Variants in CPNE4 observed in about 807,000 individuals in gnomAD.
CPNE4 encodes copine 4, also known as copine-4.
CPNE4 carries 25 observed loss-of-function variants against 67.9 expected under a neutral mutation model. The observed-to-expected ratio is 0.37, with a 90% CI of 0.27 to 0.51. The LOEUF (loss-of-function observed/expected upper bound fraction) is 0.51, where lower values mean the gene tolerates loss of function less well. Among genes scored for constraint, CPNE4 ranks in the 20% least tolerant of loss-of-function variants. The pLI is 0.93. For missense variants in CPNE4, 464 were observed against 690.8 expected (o/e 0.67, Z 3.68); for synonymous variants, 242 against 244.9 (o/e 0.99, Z 0.11).
At chr3:131,558,273 T>G (rs1278362280) in intron 11 of CPNE4, among the ~76,000 whole-genome samples, 3 of 152,058 alleles carry the variant, frequency 2.0e-5, no homozygotes, top group Non-Finnish European at 4.4e-5. Flanking sequence ...ACATCCATTA[T>G]TTCTGTTTTA....
At chr3:131,874,593 T>C (rs887622559) in intron 2 of CPNE4, among the ~76,000 whole-genome samples, 1 of 152,230 alleles carries the variant, frequency 6.6e-6, no homozygotes, top group Non-Finnish European at 1.5e-5. Flanking sequence ...TTCACAACTT[T>C]GCTGTAGAGA....
At chr3:131,630,081 G>T (rs2079181345) in intron 7 of CPNE4, among the ~76,000 whole-genome samples, 1 of 152,164 alleles carries the variant, frequency 6.6e-6, no homozygotes. Flanking sequence ...AAAAATGCCA[G>T]AAAAAAGCAG....
At position 131,874,360 on chromosome 3, in the gene CPNE4, T is replaced by G. The variant is rs555811127; in HGVS notation, c.180+30904A>C. Among the ~76,000 whole-genome samples the G allele has an allele frequency of 2.4e-4, 36 of 152,308 alleles. No homozygotes were observed. In the South Asian group the frequency reaches 6.0e-3, roughly 25 times the overall value. ...GCCTCGGCCTCCCAAAGTGCTGGGATTACAGGCGTGAGCCACCGCGCCTGG... is the reference window on the plus strand; with the variant it reads ...GCCTCGGCCTCCCAAAGTGCTGGGAGTACAGGCGTGAGCCACCGCGCCTGG... On this transcript the variant is annotated intron_variant, in intron 2 of 15. Transcript: ENST00000429747.
intron 2 of CPNE4, among the ~76,000 whole-genome samples, chr3:131,853,516 T>C (rs930816317): frequency 4.6e-5 from 7 of 151,810 alleles, no homozygotes; most frequent in African/African-American, 1.7e-4. Flanking sequence ...AAGACAATTA[T>C]TTCTTGGGTA....
intron 1 of CPNE4, among the ~76,000 whole-genome samples, chr3:131,939,772 T>C (rs4854632): frequency 0.18 from 26,652 of 152,064 alleles, 2,656 homozygotes; most frequent in East Asian, 0.31. Flanking sequence ...CCTCTGACCA[T>C]TGCTGCTATA....
intron 2 of CPNE4, among the ~76,000 whole-genome samples, chr3:131,733,979 T>G (rs1365630188): frequency 6.6e-6 from 1 of 152,190 alleles, no homozygotes; most frequent in Non-Finnish European, 1.5e-5. Flanking sequence ...TCAACCCTCC[T>G]CACGATAGGT....
intron 2 of CPNE4, among the ~76,000 whole-genome samples, chr3:131,761,069 G>T (rs2082875198): frequency 1.3e-5 from 2 of 152,088 alleles, no homozygotes; most frequent in South Asian, 4.1e-4. Flanking sequence ...AATGAGGATA[G>T]AATTGTTTAG....
chr3:131,954,638 C>T (rs530604835), intron 1 of CPNE4, among the ~76,000 whole-genome samples: 2 of 152,068 alleles, frequency 1.3e-5, no homozygotes, highest in Admixed American at 6.5e-5. Flanking sequence ...TAATGCTATC[C>T]CTCCCACCTT....
chr3:131,799,549 T>G (rs1007733445), intron 2 of CPNE4, among the ~76,000 whole-genome samples: 45 of 152,334 alleles, frequency 3.0e-4, no homozygotes, highest in Non-Finnish European at 3.8e-4. Flanking sequence ...ACCCCCAGTC[T>G]CTGAATTTAA....
chr3:131,700,256 G>A (rs1259362056), intron 3 of CPNE4, among the ~76,000 whole-genome samples: 1 of 149,028 alleles, frequency 6.7e-6, no homozygotes, highest in Non-Finnish European at 1.5e-5. Context: ...GTTGATGAAG[G>A]ATGTATATTA....
intron 8 of CPNE4, among the ~76,000 whole-genome samples, chr3:131,586,016 T>C (rs1001201961): frequency 6.6e-6 from 1 of 152,158 alleles, no homozygotes; most frequent in African/African-American, 2.4e-5. Context: ...AATGGTATCA[T>C]TCAGATTAAG....
At chr3:131,781,195 T>C (rs954711561) in intron 2 of CPNE4, among the ~76,000 whole-genome samples, 1 of 152,106 alleles carries the variant, frequency 6.6e-6, no homozygotes, top group African/African-American at 2.4e-5. Flanking sequence ...TACCAAGAAC[T>C]CAAACAAAGT....
intron 7 of CPNE4, among the ~76,000 whole-genome samples, chr3:131,621,366 T>A (rs1216869960): frequency 6.6e-6 from 1 of 152,090 alleles, no homozygotes; most frequent in African/African-American, 2.4e-5. Context: ...TGCCTCAGCC[T>A]CTGGAGTAGC....
chr3:131,855,051 G>C (rs2086384257), intron 2 of CPNE4, among the ~76,000 whole-genome samples: 1 of 151,976 alleles, frequency 6.6e-6, no homozygotes, highest in African/African-American at 2.4e-5. Flanking sequence ...CCAGTGAAAA[G>C]CCAGATTCAA....
intron 2 of CPNE4, among the ~76,000 whole-genome samples, chr3:131,750,788 T>C: frequency 6.6e-6 from 1 of 152,156 alleles, no homozygotes. Context: ...TATCATTTCC[T>C]TTCTATTTAA....
At chr3:131,544,500 A>T (rs571228141) in intron 14 of CPNE4, among the ~76,000 whole-genome samples, 50 of 152,288 alleles carry the variant, frequency 3.3e-4, no homozygotes, top group African/African-American at 1.2e-3. Context: ...ACTCACCCCT[A>T]GTCCTAGCTG....
intron 1 of CPNE4, among the ~76,000 whole-genome samples, chr3:131,998,228 G>A (rs1364865278): frequency 6.6e-6 from 1 of 152,112 alleles, no homozygotes; most frequent in South Asian, 2.1e-4. Flanking sequence ...TGATGCAGCT[G>A]CAGGCATCCT....
chr3:131,734,474 G>T (rs2082193107), intron 2 of CPNE4, among the ~76,000 whole-genome samples: 1 of 152,150 alleles, frequency 6.6e-6, no homozygotes, highest in Non-Finnish European at 1.5e-5. Flanking sequence ...ACTTAGCAAT[G>T]CCCGCCTTGA....
intron 2 of CPNE4, among the ~76,000 whole-genome samples, chr3:131,836,451 C>T (rs1261932138): frequency 2.0e-5 from 3 of 152,126 alleles, no homozygotes; most frequent in African/African-American, 7.2e-5. Flanking sequence ...CAGAAGGGAA[C>T]TTCCTCAGCA....
Sources: gnomAD v4.1 joint callset for allele counts (sites outside exome capture counted in the v4.1 genomes callset) on GRCh38, gnomAD v4.1.1 for gene constraint, MANE v1.5 for transcripts, NCBI Gene and HGNC (gene_info 2026-07-23, HGNC 2026-07-21) for gene names.